KANK1: variants seen among roughly 807,000 people sequenced by gnomAD.
KANK1 encodes the protein KN motif and ankyrin repeat domain-containing protein 1.
Under a neutral mutation model 106.2 loss-of-function variants are expected in KANK1, and 109 were observed. The observed-to-expected ratio is 1.03, with a 90% CI of 0.88 to 1.20. The LOEUF is 1.20. Among genes scored for constraint, KANK1 ranks in the 50% most tolerant of loss-of-function variants. The pLI is 0.00. For synonymous variants in KANK1, 873 were observed against 652.2 expected (o/e 1.34, Z -5.16); for missense variants, 2,399 against 1,710.7 (o/e 1.40, Z -7.10).
At chr9:677,528 T>C (rs1472592279) in intron 2 of KANK1, 1 of 152,384 alleles carries the variant, frequency 6.6e-6, no homozygotes, top group Non-Finnish European at 1.5e-5. Context: ...ATTTTGGTTA[T>C]ATTAGAGACT....
intron 2 of KANK1, chr9:686,690 G>C: frequency 1.1e-6 from 1 of 898,054 alleles, no homozygotes; most frequent in Non-Finnish European, 1.3e-6. Flanking sequence ...CTGTTTGGCA[G>C]TGTGAGGGGA....
intron 3 of KANK1, among the ~76,000 whole-genome samples, chr9:717,634 TAAAA>T (rs138671791): frequency 6.6e-6 from 1 of 152,098 alleles, no homozygotes; most frequent in Non-Finnish European, 1.5e-5. Flanking sequence ...TTTTATAAAA[TAAAA>T]AAGTTAAGAG....
At chr9:738,572 C>T (rs1834439720) in intron 8 of KANK1, 68 bp downstream of exon 8, 6 of 1,224,146 alleles carry the variant, frequency 4.9e-6, no homozygotes, top group East Asian at 4.7e-5. Flanking sequence ...CTCAGAGAAC[C>T]TGGTTGAGCC....
chr9:520,533 A>G (rs1296550360), intron 1 of KANK1, among the ~76,000 whole-genome samples: 1 of 151,702 alleles, frequency 6.6e-6, no homozygotes, highest in Non-Finnish European at 1.5e-5. Flanking sequence ...AATGGGGGAT[A>G]TAATCCTCTT....
At chr9:686,573 C>G (rs1404754158) in intron 2 of KANK1, among the ~76,000 whole-genome samples, 12 of 151,902 alleles carry the variant, frequency 7.9e-5, no homozygotes, top group Non-Finnish European at 1.6e-4. Flanking sequence ...AACAATGCAG[C>G]TTACAGGAAA....
chr9:663,964 A>G (rs1025795410), intron 1 of KANK1, among the ~76,000 whole-genome samples: 2 of 152,114 alleles, frequency 1.3e-5, no homozygotes, highest in Admixed American at 1.3e-4. Flanking sequence ...ATAAGGTCGT[A>G]TGGTTTGGCT....
chr9:639,949 T>G (rs1006012792), intron 1 of KANK1, among the ~76,000 whole-genome samples: 1 of 152,188 alleles, frequency 6.6e-6, no homozygotes, highest in African/African-American at 2.4e-5. Context: ...TCTACCCTGA[T>G]GATTTAATCA....
chr9:731,367 G>A (rs188905792), intron 5 of KANK1, 101 bp downstream of exon 5: 183 of 636,858 alleles, frequency 2.9e-4, no homozygotes, highest in Non-Finnish European at 4.5e-4. Flanking sequence ...CGGCCACAGC[G>A]CAGTGATGAA....
At position 711,311 on chromosome 9, in the gene KANK1, C is replaced by T. The variant is rs914274237; in HGVS notation, c.545C>T (p.Pro182Leu). Residue 182 changes from proline (P) to leucine (L), a missense_variant, in exon 3 of 12, where the codon CCC (proline) becomes CTC (leucine). Coordinates refer to ENST00000382297, the MANE Select transcript of KANK1 (RefSeq NM_015158.5). ...ATGACACCGGGTGAGTTCAGAAGGC[C>T]CAGGCTGGCCAGTTTTGGAGGCATG... ...MQMTPGEFRR[P>L]RLASFGGMGT... 3 of 1,614,134 alleles carry T rather than the reference C, an allele frequency of 1.9e-6. No homozygotes were observed. Among genetic ancestry groups the T allele is most frequent in the East Asian group, 2.2e-5 (1 of 44,870 alleles).
chr9:684,111 G>C, intron 2 of KANK1: 1 of 957,264 alleles, frequency 1.0e-6, no homozygotes, highest in Non-Finnish European at 1.2e-6. Context: ...ATCAGAGCTT[G>C]CTTGTTTCAT....
At chr9:706,957 G>A (rs1476367056) in intron 2 of KANK1, 14 of 985,488 alleles carry the variant, frequency 1.4e-5, no homozygotes, top group Non-Finnish European at 1.6e-5. Flanking sequence ...TGGCAAAGCG[G>A]GAGTGAAGAA....
At chr9:480,158 T>C (rs1338084431) in intron 3 of KANK1, among the ~76,000 whole-genome samples, 2 of 152,222 alleles carry the variant, frequency 1.3e-5, no homozygotes, top group Non-Finnish European at 2.9e-5. Flanking sequence ...CTGTACAGCA[T>C]AAAGCTGTGA....
At position 713,348 on chromosome 9, in the gene KANK1, C is replaced by A. The variant is rs576919993; in HGVS notation, c.2582C>A (p.Ser861Tyr). The A allele has an allele frequency of 2.5e-6, 4 of 1,614,060 alleles. No homozygotes were observed. Among genetic ancestry groups the A allele is most frequent in the Non-Finnish European group, 3.4e-6 (4 of 1,180,044 alleles). ...AFGEPHSQMG[S>Y]LNSQLISTLS... ...GGGGAACCTCACTCACAGATGGGCT[C>A]CCTCAACTCTCAGCTCATCAGCACC... Residue 861 changes from serine (S) to tyrosine (Y), a missense_variant, in exon 3 of 12, where the codon TCC becomes TAC. Physicochemically the swap from Ser to Tyr is moderately radical, Grantham distance 144. Transcript: ENST00000382297.
intron 1 of KANK1, among the ~76,000 whole-genome samples, chr9:666,812 T>C (rs1006047846): frequency 6.6e-6 from 1 of 152,108 alleles, no homozygotes; most frequent in Non-Finnish European, 1.5e-5. Flanking sequence ...TGAATGATCT[T>C]TTTAATATCT....
At chr9:508,519 C>T (rs375841069) in intron 1 of KANK1, among the ~76,000 whole-genome samples, 1 of 152,162 alleles carries the variant, frequency 6.6e-6, no homozygotes, top group Non-Finnish European at 1.5e-5. Flanking sequence ...ACGGAAAGAA[C>T]CAAAATATTG....
At chr9:544,633 G>A (rs1368978932) in intron 1 of KANK1, among the ~76,000 whole-genome samples, 1 of 152,138 alleles carries the variant, frequency 6.6e-6, no homozygotes, top group African/African-American at 2.4e-5. Flanking sequence ...GATAGGGGAA[G>A]TACGGGCTGT....
At chr9:694,727 C>G (rs369791930) in intron 2 of KANK1, among the ~76,000 whole-genome samples, 11 of 152,164 alleles carry the variant, frequency 7.2e-5, no homozygotes, top group Non-Finnish European at 1.5e-4. Flanking sequence ...CTCACTCTTA[C>G]GTGCAGCCTG....
At chr9:542,596 G>A (rs943735570) in intron 1 of KANK1, among the ~76,000 whole-genome samples, 2 of 152,178 alleles carry the variant, frequency 1.3e-5, no homozygotes, top group African/African-American at 2.4e-5. Flanking sequence ...AGAGATACCT[G>A]TACTTCTGTG....
intron 1 of KANK1, among the ~76,000 whole-genome samples, chr9:667,951 G>T (rs1450074569): frequency 6.6e-6 from 1 of 151,780 alleles, no homozygotes; most frequent in Admixed American, 6.6e-5. Context: ...GGCTGGTCCC[G>T]AACTCCTGAC....
Sources: allele counts gnomAD v4.1 joint callset (sites outside exome capture counted in the v4.1 genomes callset), GRCh38; gene constraint gnomAD v4.1.1; transcripts MANE v1.5; gene names NCBI Gene and HGNC (gene_info 2026-07-23, HGNC 2026-07-21).